ZMIZ1: variants seen among roughly 807,000 people sequenced by gnomAD.
ZMIZ1 encodes the protein zinc finger MIZ-type containing 1.
Under a neutral mutation model 113.9 loss-of-function variants are expected in ZMIZ1, and 17 were observed. The ratio of observed to expected loss-of-function variants is 0.15; its 90% CI spans 0.10 to 0.22. ZMIZ1 has a LOEUF of 0.22. ZMIZ1 is among the 10% of genes least tolerant of loss of function. ZMIZ1 has a pLI of 1.00. For synonymous variants in ZMIZ1, 607 were observed against 603.1 expected (o/e 1.01, Z -0.09); for missense variants, 1,059 against 1,477.8 (o/e 0.72, Z 4.65).
At chr10:79,239,698 A>G (rs1849730981) in intron 7 of ZMIZ1, among the ~76,000 whole-genome samples, 1 of 152,074 alleles carries the variant, frequency 6.6e-6, no homozygotes, top group Admixed American at 6.5e-5. Context: ...CCCACTATGC[A>G]AAGCCTTATA....
intron 2 of ZMIZ1, among the ~76,000 whole-genome samples, chr10:79,134,477 G>A (rs1844908237): frequency 6.6e-6 from 1 of 152,204 alleles, no homozygotes; most frequent in African/African-American, 2.4e-5. Context: ...TCATGCAGAG[G>A]AAAGGAGCAC....
Position 79,187,135 on chromosome 10 carries a change from T to C in ZMIZ1, c.-49-14449T>C, listed in dbSNP as rs151015024. On this transcript the variant is annotated intron_variant, in intron 4 of 24. Coordinates refer to ENST00000334512, the MANE Select transcript of ZMIZ1 (RefSeq NM_020338.4). The stretch of plus-strand genomic sequence containing the variant: ...CATCTTACTCTTTTTGTTTAATCCT[T>C]TCTTCCCCAGCCTCCTGCAAGAGTG... Among the ~76,000 whole-genome samples the C allele has an allele frequency of 1.9e-3, 288 of 152,320 alleles. 4 individuals carry two copies. Among genetic ancestry groups the C allele is most frequent in the African/African-American group, 6.8e-3 (282 of 41,560 alleles).
intron 2 of ZMIZ1, among the ~76,000 whole-genome samples, chr10:79,128,005 A>C (rs552717584): frequency 6.6e-6 from 1 of 152,200 alleles, no homozygotes; most frequent in Non-Finnish European, 1.5e-5. Flanking sequence ...CTTTGCAAGC[A>C]TGCAGTTCCT....
At chr10:79,234,327 C>T (rs1174025230) in intron 7 of ZMIZ1, among the ~76,000 whole-genome samples, 1 of 152,132 alleles carries the variant, frequency 6.6e-6, no homozygotes. Flanking sequence ...TTCCCTGGGC[C>T]TCGGAAGCTC....
At chr10:79,150,239 A>G (rs886577619) in intron 3 of ZMIZ1, among the ~76,000 whole-genome samples, 13 of 151,154 alleles carry the variant, frequency 8.6e-5, no homozygotes, top group Non-Finnish European at 1.8e-4. Context: ...AGCCCTGCCC[A>G]GACACCACCT....
chr10:79,100,762 T>C (rs1409344009), intron 1 of ZMIZ1, among the ~76,000 whole-genome samples: 4 of 152,020 alleles, frequency 2.6e-5, no homozygotes, highest in Non-Finnish European at 5.9e-5. Context: ...GCTGCAGATA[T>C]CATGTGGCTG....
chr10:79,301,494 C>T (rs1421220251), intron 17 of ZMIZ1, among the ~76,000 whole-genome samples: 5 of 152,084 alleles, frequency 3.3e-5, no homozygotes, highest in African/African-American at 9.7e-5. Context: ...CAGGGCCCAA[C>T]ACACAGGGCT....
intron 4 of ZMIZ1, among the ~76,000 whole-genome samples, chr10:79,200,289 C>T (rs1352020613): frequency 6.6e-6 from 1 of 152,176 alleles, no homozygotes; most frequent in Non-Finnish European, 1.5e-5. Flanking sequence ...CAGTCTTCTG[C>T]CTTGGCCCAA....
intron 2 of ZMIZ1, among the ~76,000 whole-genome samples, chr10:79,126,567 A>G (rs921190987): frequency 5.3e-5 from 8 of 152,228 alleles, no homozygotes; most frequent in African/African-American, 1.9e-4. Context: ...ACTGGGGCAG[A>G]TAATGGGGGC....
intron 7 of ZMIZ1, among the ~76,000 whole-genome samples, chr10:79,231,948 G>C (rs987717542): frequency 7.9e-5 from 12 of 152,210 alleles, no homozygotes; most frequent in African/African-American, 2.9e-4. Flanking sequence ...CTGGCTCTTG[G>C]GTGGCCAGTG....
rs1427829352 is a variant in ZMIZ1, at chr10:79,310,974, T to G, written c.2886T>G (p.Gly962=). 1 of 1,613,460 alleles carries G rather than the reference T, an allele frequency of 6.2e-7. No homozygotes were observed. Among genetic ancestry groups the G allele is most frequent in the Admixed American group, 1.7e-5 (1 of 59,958 alleles). ...AGCCCCACCCCTCCATACAACAAGG[T>G]TTGCACGTACCACACCCCAGCAGCC... ...SDQPHPSIQQ[G]LHVPHPSSQS... Residue 962 remains glycine (G), a synonymous_variant, in exon 24 of 25, where the codon GGT becomes GGG. Coordinates refer to ENST00000334512, the MANE Select transcript of ZMIZ1 (RefSeq NM_020338.4).
chr10:79,155,805 G>A (rs1300075296), intron 3 of ZMIZ1, among the ~76,000 whole-genome samples: 1 of 152,258 alleles, frequency 6.6e-6, no homozygotes, highest in Non-Finnish European at 1.5e-5. Flanking sequence ...TCAGCCCAAA[G>A]CTCTTCTCCC....
chr10:79,165,076 G>T (rs1037144591), intron 4 of ZMIZ1, among the ~76,000 whole-genome samples: 2 of 152,200 alleles, frequency 1.3e-5, no homozygotes, highest in African/African-American at 4.8e-5. Flanking sequence ...GGTTGGGTAG[G>T]GGGGTGGGGA....
At chr10:79,234,470 T>A (rs1849515904) in intron 7 of ZMIZ1, among the ~76,000 whole-genome samples, 1 of 152,176 alleles carries the variant, frequency 6.6e-6, no homozygotes, top group Non-Finnish European at 1.5e-5. Context: ...TTTTATGGAA[T>A]TTTTCTTGTA....
chr10:79,249,359 G>A (rs984647510), intron 7 of ZMIZ1, among the ~76,000 whole-genome samples: 5 of 152,222 alleles, frequency 3.3e-5, no homozygotes, highest in Admixed American at 2.0e-4. Flanking sequence ...AAGGACAGGC[G>A]GTTCGTGACT....
intron 4 of ZMIZ1, among the ~76,000 whole-genome samples, chr10:79,195,968 A>C (rs534743627): frequency 6.6e-6 from 1 of 151,986 alleles, no homozygotes; most frequent in Non-Finnish European, 1.5e-5. Flanking sequence ...CAGGTGTAGA[A>C]CAAATGGAAG....
intron 14 of ZMIZ1, 76 bp from the exon 15 acceptor site, chr10:79,298,330 C>T (rs919645589): frequency 3.2e-5 from 47 of 1,481,076 alleles, no homozygotes; most frequent in South Asian, 3.9e-5. Flanking sequence ...GGGATGAGTG[C>T]GGTGTATGTC....
intron 7 of ZMIZ1, among the ~76,000 whole-genome samples, chr10:79,272,878 C>G (rs1404571454): frequency 2.6e-5 from 4 of 152,160 alleles, no homozygotes; most frequent in Non-Finnish European, 5.9e-5. Context: ...GGGATGATTC[C>G]CTGCTGCTGT....
At chr10:79,154,076 G>T (rs569608046) in intron 3 of ZMIZ1, among the ~76,000 whole-genome samples, 1 of 152,336 alleles carries the variant, frequency 6.6e-6, no homozygotes, top group South Asian at 2.1e-4. Flanking sequence ...TATGATGTCA[G>T]TTCATCTAAT....
Sources: gnomAD v4.1 joint callset for allele counts (sites outside exome capture counted in the v4.1 genomes callset) on GRCh38, gnomAD v4.1.1 for gene constraint, MANE v1.5 for transcripts, NCBI Gene and HGNC (gene_info 2026-07-23, HGNC 2026-07-21) for gene names.